The following SAMTOR variants were observed in gnomAD, a reference collection of about 807,000 sequenced individuals.
The protein encoded by SAMTOR is UPF0532 protein C7orf60.
chr7:112,901,528 A>G, the SAMTOR span, among the ~76,000 whole-genome samples: 1 of 152,168 alleles, frequency 6.6e-6, no homozygotes, highest in Non-Finnish European at 1.5e-5. Context: ...ACAATGTACT[A>G]ATAATAGAAA....
the SAMTOR span, among the ~76,000 whole-genome samples, chr7:112,888,150 A>G: frequency 6.6e-6 from 1 of 152,088 alleles, no homozygotes; most frequent in Non-Finnish European, 1.5e-5. Context: ...GTTCAAAAAC[A>G]TTTTCTAATT....
the SAMTOR span, among the ~76,000 whole-genome samples, chr7:112,932,340 T>C: frequency 6.6e-6 from 1 of 152,216 alleles, no homozygotes; most frequent in South Asian, 2.1e-4. Flanking sequence ...TTTACCATTA[T>C]ATTTATAGAA....
the SAMTOR span, among the ~76,000 whole-genome samples, chr7:112,919,549 T>A: frequency 5.9e-5 from 9 of 151,894 alleles, no homozygotes; most frequent in East Asian, 1.4e-3. Flanking sequence ...CTAGAAAAGC[T>A]AGAGCAAACA....
chr7:112,824,537 A>AT, the SAMTOR span, among the ~76,000 whole-genome samples: 3 of 151,696 alleles, frequency 2.0e-5, no homozygotes, highest in Admixed American at 6.6e-5. Context: ...TAATTTTTGT[A>AT]TTTTTTGTAG....
the SAMTOR span, among the ~76,000 whole-genome samples, chr7:112,843,652 AG>A: frequency 6.6e-6 from 1 of 152,080 alleles, no homozygotes; most frequent in South Asian, 2.1e-4. Flanking sequence ...AGTAATAAGT[AG>A]CCTACCAAAC....
At chr7:112,904,246 T>A in the SAMTOR span, among the ~76,000 whole-genome samples, 1 of 152,168 alleles carries the variant, frequency 6.6e-6, no homozygotes, top group African/African-American at 2.4e-5. Flanking sequence ...AGCTTCTTTT[T>A]AATTATACAT....
chr7:112,880,707 T>C, the SAMTOR span, among the ~76,000 whole-genome samples: 2 of 152,220 alleles, frequency 1.3e-5, no homozygotes, highest in Non-Finnish European at 2.9e-5. Context: ...GCAAAATACA[T>C]GTAGGATTTA....
the SAMTOR span, among the ~76,000 whole-genome samples, chr7:112,919,165 ACACCT>A: frequency 6.6e-6 from 1 of 152,106 alleles, no homozygotes; most frequent in Admixed American, 6.5e-5. Flanking sequence ...GCACCACACC[ACACCT>A]ATTCCAAAAT....
the SAMTOR span, among the ~76,000 whole-genome samples, chr7:112,929,955 T>C: frequency 1.3e-5 from 2 of 148,742 alleles, no homozygotes; most frequent in African/African-American, 4.8e-5. Flanking sequence ...TTATATTTCA[T>C]TAAATTTGAG....
chr7:112,856,570 C>T, the SAMTOR span, among the ~76,000 whole-genome samples: 1 of 152,158 alleles, frequency 6.6e-6, no homozygotes, highest in Non-Finnish European at 1.5e-5. Flanking sequence ...ACCAGCTTAG[C>T]AGCACTGACC....
chr7:112,849,843 T>C, the SAMTOR span, among the ~76,000 whole-genome samples: 3 of 152,346 alleles, frequency 2.0e-5, no homozygotes, highest in South Asian at 2.1e-4. Context: ...TCTGTGTCTA[T>C]TGAAGTGATC....
chr7:112,820,104 TATTTATTGC>T, the SAMTOR span: 2 of 152,660 alleles, frequency 1.3e-5, no homozygotes, highest in South Asian at 4.1e-4. Flanking sequence ...GAGCAACCAA[TATTTATTGC>T]ATTTAATCAA....
chr7:112,895,905 T>A, the SAMTOR span, among the ~76,000 whole-genome samples: 2 of 152,200 alleles, frequency 1.3e-5, no homozygotes, highest in South Asian at 4.1e-4. Flanking sequence ...CACTTTCAAA[T>A]TTTTAAAAAT....
chr7:112,932,852 A>G, the SAMTOR span, among the ~76,000 whole-genome samples: 1 of 152,240 alleles, frequency 6.6e-6, no homozygotes, highest in South Asian at 2.1e-4. Flanking sequence ...AACTGGCCTA[A>G]AAGACCAACC....
the SAMTOR span, among the ~76,000 whole-genome samples, chr7:112,869,102 G>A: frequency 6.6e-6 from 1 of 152,174 alleles, no homozygotes. Context: ...GGAAACAAAA[G>A]TGAAGCACAA....
the SAMTOR span, among the ~76,000 whole-genome samples, chr7:112,859,245 T>C: frequency 6.6e-6 from 1 of 152,178 alleles, no homozygotes; most frequent in East Asian, 1.9e-4. Context: ...TATACAGTTA[T>C]GAGCCACATA....
the SAMTOR span, among the ~76,000 whole-genome samples, chr7:112,916,185 T>A: frequency 2.0e-5 from 3 of 152,324 alleles, no homozygotes; most frequent in Admixed American, 1.3e-4. Flanking sequence ...GACTACATTA[T>A]CCATTCAGCT....
At chr7:112,867,860 C>T in the SAMTOR span, among the ~76,000 whole-genome samples, 18 of 152,314 alleles carry the variant, frequency 1.2e-4, no homozygotes, top group South Asian at 6.2e-4. Flanking sequence ...GGTATTGGTC[C>T]GTGGCCTGTT....
At chr7:112,917,598 G>C in the SAMTOR span, among the ~76,000 whole-genome samples, 12 of 152,352 alleles carry the variant, frequency 7.9e-5, 1 homozygote, top group Middle Eastern at 3.4e-3. Flanking sequence ...GCTTGGCAGA[G>C]AATGACTTTG....
Sources: gnomAD v4.1 joint callset for allele counts (sites outside exome capture counted in the v4.1 genomes callset) on GRCh38, gnomAD v4.1.1 for gene constraint, MANE v1.5 for transcripts, NCBI Gene and HGNC (gene_info 2026-07-23, HGNC 2026-07-21) for gene names.